ARHGAP28: variants seen among roughly 807,000 people sequenced by gnomAD.
The protein encoded by ARHGAP28 is Rho GTPase activating protein 28.
A neutral mutation model predicts 90.7 loss-of-function variants in ARHGAP28; 56 were observed. That is an observed-to-expected ratio of 0.62 (90% CI 0.50 to 0.77). The LOEUF (loss-of-function observed/expected upper bound fraction) is 0.77, where lower values mean the gene tolerates loss of function less well. ARHGAP28 is among the 30% of genes least tolerant of loss of function. The pLI is 0.00. For synonymous variants in ARHGAP28, 308 were observed against 323.3 expected, an observed-to-expected ratio of 0.95 and a Z score of 0.51; for missense variants, 869 against 900.9, an observed-to-expected ratio of 0.96 and a Z score of 0.45.
At chr18:6,785,675 C>G (rs2056359573) in intron 1 of ARHGAP28, among the ~76,000 whole-genome samples, 2 of 152,116 alleles carry the variant, frequency 1.3e-5, no homozygotes, top group South Asian at 4.1e-4. Context: ...TTTGAGAATT[C>G]CAAGGAAGTG....
intron 1 of ARHGAP28, among the ~76,000 whole-genome samples, chr18:6,737,245 G>T (rs1336097348): frequency 6.6e-6 from 1 of 152,128 alleles, no homozygotes; most frequent in Non-Finnish European, 1.5e-5. Flanking sequence ...CCCTTAAATA[G>T]TGTTAGAAAT....
At chr18:6,827,534 G>A in intron 2 of ARHGAP28, among the ~76,000 whole-genome samples, 1 of 143,422 alleles carries the variant, frequency 7.0e-6, no homozygotes, top group Non-Finnish European at 1.5e-5. Context: ...GGCTGACCGG[G>A]CGGGGGGCTG....
chr18:6,840,410 T>C (rs2056797184), intron 3 of ARHGAP28, among the ~76,000 whole-genome samples: 1 of 152,234 alleles, frequency 6.6e-6, no homozygotes, highest in Non-Finnish European at 1.5e-5. Context: ...TCAGATTTCC[T>C]AAGACTTTGG....
chr18:6,801,654 T>C (rs112170238), intron 1 of ARHGAP28, among the ~76,000 whole-genome samples: 43 of 152,274 alleles, frequency 2.8e-4, no homozygotes, highest in African/African-American at 9.9e-4. Context: ...AATATACATA[T>C]TTTGGGAGTA....
Position 6,894,729 on chromosome 18 carries a change from A to G in ARHGAP28, c.1849-106A>G, listed in dbSNP as rs188087375. ...GTGCATATACATTTTATAATTTTAT[A>G]AATATTGCCAAAATGTTCTCCATAA... On this transcript the variant is annotated intron_variant, in intron 14 of 17. Coordinates refer to ENST00000383472, the MANE Select transcript of ARHGAP28 (RefSeq NM_001366230.1). 7.2e-5 allele frequency: 63 copies of G among 874,542 alleles called. No homozygotes were observed. The East Asian group carries it at 1.6e-3, about 23-fold the overall frequency. The allele number at this position is 874,542 out of a possible 1,614,324, so 54.2% of individuals were successfully genotyped here.
chr18:6,842,526 C>T (rs1388550607), intron 3 of ARHGAP28, among the ~76,000 whole-genome samples: 2 of 152,186 alleles, frequency 1.3e-5, no homozygotes, highest in Non-Finnish European at 2.9e-5. Context: ...CCTTAAATTT[C>T]AAGTTCTCTT....
At chr18:6,909,305 T>TTTTC (rs1386835516) in intron 17 of ARHGAP28, among the ~76,000 whole-genome samples, 1 of 93,130 alleles carries the variant, frequency 1.1e-5, no homozygotes, top group Non-Finnish European at 2.3e-5. Flanking sequence ...CTTTTCTTTT[T>TTTTC]TTTTTGAGAC....
At chr18:6,845,051 C>G (rs1345306130) in intron 3 of ARHGAP28, among the ~76,000 whole-genome samples, 2 of 152,086 alleles carry the variant, frequency 1.3e-5, no homozygotes, top group Non-Finnish European at 2.9e-5. Context: ...TAATTTAATT[C>G]CCACCATAAG....
At chr18:6,887,849 A>G (rs1416090805) in intron 12 of ARHGAP28, among the ~76,000 whole-genome samples, 1 of 152,248 alleles carries the variant, frequency 6.6e-6, no homozygotes, top group African/African-American at 2.4e-5. Flanking sequence ...CTTAAATAGA[A>G]CAATGTCATA....
chr18:6,761,068 A>G (rs1031683483), intron 1 of ARHGAP28, among the ~76,000 whole-genome samples: 5 of 152,072 alleles, frequency 3.3e-5, no homozygotes, highest in African/African-American at 4.8e-5. Flanking sequence ...AAAACAGCAT[A>G]TATATTATAC....
At chr18:6,741,215 T>A (rs1051670080) in intron 1 of ARHGAP28, among the ~76,000 whole-genome samples, 16 of 152,116 alleles carry the variant, frequency 1.1e-4, no homozygotes, top group African/African-American at 3.9e-4. Context: ...GGGAAAGAGC[T>A]GACTGTAAGT....
chr18:6,854,176 T>C (rs969284358), intron 4 of ARHGAP28, among the ~76,000 whole-genome samples: 9 of 152,134 alleles, frequency 5.9e-5, no homozygotes, highest in African/African-American at 2.2e-4. Context: ...GGAAAACTTA[T>C]ATAGTAGAAT....
chr18:6,830,702 A>G (rs185061456), intron 2 of ARHGAP28, among the ~76,000 whole-genome samples: 100 of 152,252 alleles, frequency 6.6e-4, no homozygotes, highest in African/African-American at 2.2e-3. Flanking sequence ...TTACATCTTA[A>G]TTGTGTCTGC....
At position 6,837,262 on chromosome 18, in the gene ARHGAP28, G is replaced by C. The variant is rs1287647952; in HGVS notation, c.391G>C (p.Glu131Gln). 1 of 1,602,346 alleles carries C rather than the reference G, an allele frequency of 6.2e-7. No homozygotes were observed. The highest frequency in any genetic ancestry group is 2.3e-5 in the East Asian group (1 of 43,932). ...ATCAACTCTGATCTCAGGTGATGAA[G>C]AGGAAGATGGCAAAGCCTTGCTCTC... ...GLSTLISGDEEEDGKALLSTL... is the reference protein window; with the variant it reads ...GLSTLISGDEQEDGKALLSTL... Residue 131 changes from glutamate (E) to glutamine (Q), a missense_variant, in exon 3 of 18, where the codon GAG becomes CAG. Transcript: ENST00000383472.
intron 1 of ARHGAP28, among the ~76,000 whole-genome samples, chr18:6,770,219 TTTCTG>T (rs2143399571): frequency 6.6e-6 from 1 of 152,376 alleles, no homozygotes; most frequent in African/African-American, 2.4e-5. Flanking sequence ...ATTTTTGTGT[TTTCTG>T]TAGCATCAGA....
chr18:6,804,059 G>A (rs183220869), intron 1 of ARHGAP28, among the ~76,000 whole-genome samples: 1 of 152,332 alleles, frequency 6.6e-6, no homozygotes, highest in African/African-American at 2.4e-5. Context: ...GATTACAGGC[G>A]TGAGCCACCA....
intron 1 of ARHGAP28, among the ~76,000 whole-genome samples, chr18:6,740,549 G>T (rs949177972): frequency 2.0e-5 from 3 of 152,076 alleles, no homozygotes; most frequent in Admixed American, 2.0e-4. Context: ...TGGCCCTCAG[G>T]CTCTGGGCCC....
At chr18:6,800,162 C>T (rs1480925614) in intron 1 of ARHGAP28, among the ~76,000 whole-genome samples, 2 of 152,186 alleles carry the variant, frequency 1.3e-5, no homozygotes, top group Non-Finnish European at 2.9e-5. Context: ...CAATGAGATA[C>T]AATCTTATGC....
At chr18:6,760,051 T>C (rs1350209006) in intron 1 of ARHGAP28, among the ~76,000 whole-genome samples, 41 of 152,184 alleles carry the variant, frequency 2.7e-4, no homozygotes, top group Admixed American at 2.7e-3. Context: ...GCTAAAATAA[T>C]GAAGTGAATC....
Sources: gnomAD v4.1 joint callset for allele counts (sites outside exome capture counted in the v4.1 genomes callset) on GRCh38, gnomAD v4.1.1 for gene constraint, MANE v1.5 for transcripts, NCBI Gene and HGNC (gene_info 2026-07-23, HGNC 2026-07-21) for gene names.